Variants in PRPF6 observed in about 807,000 individuals in gnomAD.
PRPF6 encodes the protein pre-mRNA processing factor 6, also known as pre-mRNA-processing factor 6.
Under a neutral mutation model 118.3 loss-of-function variants are expected in PRPF6, and 42 were observed. The observed-to-expected ratio is 0.35, with a 90% CI of 0.28 to 0.46. PRPF6 has a LOEUF of 0.46. Ranked by LOEUF, PRPF6 falls within the 20% of genes least tolerant of loss-of-function variation. The pLI is 1.00. For synonymous variants in PRPF6, 481 were observed against 485.1 expected, an observed-to-expected ratio of 0.99 and a Z score of 0.11; for missense variants, 662 against 1,255.7, an observed-to-expected ratio of 0.53 and a Z score of 7.15.
intron 1 of PRPF6, among the ~76,000 whole-genome samples, 185 bp downstream of exon 1, chr20:63,981,501 C>G (rs943915992): frequency 2.0e-5 from 3 of 152,180 alleles, no homozygotes; most frequent in Non-Finnish European, 4.4e-5. Flanking sequence ...CCCTGCTTGC[C>G]GCCTAGATGT....
At chr20:63,997,174 T>C (rs1165724837) in intron 6 of PRPF6, among the ~76,000 whole-genome samples, 1 of 152,146 alleles carries the variant, frequency 6.6e-6, no homozygotes, top group Non-Finnish European at 1.5e-5. Context: ...GTTCTCTCTG[T>C]TTCTATAAAT....
intron 9 of PRPF6, among the ~76,000 whole-genome samples, chr20:64,003,482 C>T (rs1173768389): frequency 3.3e-5 from 5 of 152,216 alleles, no homozygotes; most frequent in African/African-American, 1.2e-4. Flanking sequence ...AGGCTGCTTG[C>T]CTGTGATGCA....
intron 9 of PRPF6, among the ~76,000 whole-genome samples, chr20:64,009,245 C>T (rs1433882951): frequency 7.4e-6 from 1 of 134,634 alleles, no homozygotes; most frequent in Non-Finnish European, 1.5e-5. Flanking sequence ...CACGCCACTG[C>T]ACTCCAGCCT....
intron 8 of PRPF6, among the ~76,000 whole-genome samples, chr20:64,000,007 A>G (rs1471438236): frequency 6.7e-6 from 1 of 149,734 alleles, no homozygotes; most frequent in African/African-American, 2.5e-5. Flanking sequence ...GCTGGAGTGC[A>G]GTGGCACGAT....
At chr20:63,985,686 A>G (rs745887940) in intron 3 of PRPF6, among the ~76,000 whole-genome samples, 3 of 152,266 alleles carry the variant, frequency 2.0e-5, no homozygotes, top group Non-Finnish European at 4.4e-5. Context: ...GACACATACA[A>G]GCTACCAAGA....
chr20:63,985,272 C>T, intron 3 of PRPF6, among the ~76,000 whole-genome samples: 1 of 151,696 alleles, frequency 6.6e-6, no homozygotes. Flanking sequence ...GGTGGAAGGA[C>T]CGTTTAAGCC....
chr20:64,022,638 G>T, intron 12 of PRPF6, 119 bp from the exon 13 acceptor site: 1 of 1,476,064 alleles, frequency 6.8e-7, no homozygotes, highest in Non-Finnish European at 9.4e-7. Context: ...ATAAAACACT[G>T]TGGTACACCT....
intron 6 of PRPF6, 128 bp downstream of exon 6, chr20:63,995,610 T>G: frequency 1.8e-6 from 2 of 1,095,650 alleles, no homozygotes; most frequent in Non-Finnish European, 1.3e-6. Flanking sequence ...CTTCTTCTCC[T>G]TCTCCTTTTT....
rs530271159 is a variant in PRPF6 at position 64,029,069 on chromosome 20, A to G, written c.2432-308A>G. On this transcript the variant is annotated intron_variant, in intron 18 of 20. Coordinates refer to ENST00000266079, the MANE Select transcript of PRPF6 (RefSeq NM_012469.4). This position sits in a 1 kb window ranked among gnomAD's most constrained non-coding sequence, Gnocchi z 4.8. Reference sequence around the variant, plus strand: ...GTAATCCCAGCTACTCGGGAGGCTGAGGCAGGAGAATTGCTTGAGCCCGGG... The same window carrying G: ...GTAATCCCAGCTACTCGGGAGGCTGGGGCAGGAGAATTGCTTGAGCCCGGG... Among the ~76,000 whole-genome samples the G allele has an allele frequency of 2.6e-5, 4 of 152,274 alleles. No homozygotes were observed. Among genetic ancestry groups the G allele is most frequent in the African/African-American group, 9.6e-5 (4 of 41,562 alleles).
intron 9 of PRPF6, among the ~76,000 whole-genome samples, chr20:64,005,935 G>C (rs1355159427): frequency 6.6e-6 from 1 of 152,018 alleles, no homozygotes; most frequent in Non-Finnish European, 1.5e-5. Context: ...AGGTCTCCCT[G>C]TGTCATCCAG....
chr20:63,982,231 G>A lies in PRPF6; in HGVS notation c.72-816G>A, dbSNP rs565316244. On this transcript the variant is annotated intron_variant, in intron 1 of 20. Transcript: ENST00000266079. The stretch of plus-strand genomic sequence containing the variant: ...TCTGTCGCCCAAGCTGGAGTGCAAT[G>A]GTGCGATCTCAGCTCCCTGCAATCT... Among the ~76,000 whole-genome samples, 142 of 152,250 alleles carry A rather than the reference G, an allele frequency of 9.3e-4. 1 individual carries two copies. The highest frequency in any genetic ancestry group is 2.3e-3 in the South Asian group (11 of 4,820).
intron 9 of PRPF6, among the ~76,000 whole-genome samples, chr20:64,008,895 A>G (rs949774572): frequency 2.6e-5 from 4 of 151,990 alleles, no homozygotes; most frequent in African/African-American, 9.7e-5. Flanking sequence ...TGACCTTCAG[A>G]CTCTCTGATC....
In PRPF6 at chr20:63,993,465, C is replaced by T; in HGVS notation, c.418C>T (p.Gln140Ter). The change falls in exon 4 of 21, where the codon CAG (glutamine) becomes TAG (stop). Residue 140 changes from glutamine to a stop codon, truncating the protein, a stop_gained. Coordinates refer to ENST00000266079, the MANE Select transcript of PRPF6 (RefSeq NM_012469.4). LOFTEE classifies it high-confidence loss of function. ...KYRMERPKIQ[Q>*]QFSDLKRKLA... ...TCGTATGGAACGCCCCAAAATCCAA[C>T]AGCAGTTCTCAGACCTCAAGGTGAG... 1 of 1,612,458 alleles carries T rather than the reference C, an allele frequency of 6.2e-7. No individual in the cohort carries two copies. The highest frequency in any genetic ancestry group is 8.5e-7 in the Non-Finnish European group (1 of 1,178,796).
At position 64,028,741 on chromosome 20, in the gene PRPF6, G is replaced by A. The variant is rs1175415402; in HGVS notation, c.2431+172G>A. Among the ~76,000 whole-genome samples, 3 of 152,206 alleles carry A rather than the reference G, an allele frequency of 2.0e-5. No individual in the cohort carries two copies. The highest frequency in any genetic ancestry group is 2.0e-4 in the Admixed American group (3 of 15,280). On this transcript the variant is annotated intron_variant, in intron 18 of 20. Coordinates refer to ENST00000266079, the MANE Select transcript of PRPF6 (RefSeq NM_012469.4). The surrounding 1 kb of genome is among the most constrained non-coding windows in gnomAD (Gnocchi z 6.5). ...CTTTATTAAAATGTGTAGTTTGTGT[G>A]AATCATTTCAGTCAAAAGTTTCAGC... is the stretch of plus-strand genomic sequence containing the variant.
At chr20:63,987,200 G>A (rs2059098719) in intron 3 of PRPF6, among the ~76,000 whole-genome samples, 2 of 142,134 alleles carry the variant, frequency 1.4e-5, no homozygotes, top group African/African-American at 5.3e-5. Context: ...GGGGGGGGGA[G>A]CATAACACAA....
At position 64,032,896 on chromosome 20, in the gene PRPF6, A is replaced by G; in HGVS notation, c.2729A>G (p.Glu910Gly). 2 of 1,613,158 alleles carry G rather than the reference A, an allele frequency of 1.2e-6. No homozygotes were observed. The highest frequency in any genetic ancestry group is 1.7e-6 in the Non-Finnish European group (2 of 1,179,988). The change falls in exon 21 of 21, where the codon GAG (glutamate) becomes GGG (glycine). Residue 910 changes from glutamate (E) to glycine (G), a missense_variant. Coordinates refer to ENST00000266079, the MANE Select transcript of PRPF6 (RefSeq NM_012469.4). ...GAGAGTGCAGAGCCTCGGCATGGGG[A>G]GCTGTGGTGCGCCGTGTCCAAGGAC... ...RCESAEPRHG[E>G]LWCAVSKDIA... is the part of the protein sequence containing the mutation.
chr20:64,027,584 T>C lies in PRPF6; in HGVS notation c.2206-19T>C. The C allele has an allele frequency of 6.2e-7, 1 of 1,614,084 alleles. No homozygotes were observed. Among genetic ancestry groups the C allele is most frequent in the Non-Finnish European group, 8.5e-7 (1 of 1,180,026 alleles). On this transcript the variant is annotated intron_variant, in intron 16 of 20. Transcript: ENST00000266079. This position sits in a 1 kb window ranked among gnomAD's most constrained non-coding sequence, Gnocchi z 6.5. ...TTCATAGACACCACCTGAGCTGCTC[T>C]CTTACTTGTTGGTTGCAGTTGAAGA...
At chr20:63,991,513 C>T (rs1228957185) in intron 3 of PRPF6, among the ~76,000 whole-genome samples, 1 of 152,004 alleles carries the variant, frequency 6.6e-6, no homozygotes, top group Non-Finnish European at 1.5e-5. Flanking sequence ...TGTACTTGGC[C>T]GAGCACGGTG....
chr20:64,028,496 G>A lies in PRPF6; in HGVS notation c.2358G>A (p.Leu786=), dbSNP rs775611091. ...TCCTCAGGTTGGAGTCCGTGCGGCT[G>A]GAGTACCGTGCGGGGCTGAAGAACA... ...NPGLWLESVR[L]EYRAGLKNIA... Residue 786 remains leucine, a synonymous_variant, in exon 18 of 21, where the codon CTG becomes CTA. Coordinates refer to ENST00000266079, the MANE Select transcript of PRPF6 (RefSeq NM_012469.4). This position sits in a 1 kb window ranked among gnomAD's most constrained non-coding sequence, Gnocchi z 6.5. 2 of 1,613,902 alleles carry A rather than the reference G, an allele frequency of 1.2e-6. No individual in the cohort carries two copies. The highest frequency in any genetic ancestry group is 2.2e-5 in the South Asian group (2 of 91,082).
Sources: gnomAD v4.1 joint callset for allele counts (sites outside exome capture counted in the v4.1 genomes callset) on GRCh38, gnomAD v4.1.1 for gene constraint, Gnocchi (gnomAD v3.1) non-coding constraint, MANE v1.5 for transcripts, NCBI Gene and HGNC (gene_info 2026-07-23, HGNC 2026-07-21) for gene names.